The following ULK4 variants were observed in gnomAD, a reference collection of about 807,000 sequenced individuals.
The protein encoded by ULK4 is inactive serine/threonine-protein kinase ULK4.
ULK4 carries 133 observed loss-of-function variants against 160.6 expected under a neutral mutation model. That is an observed-to-expected ratio of 0.83 (90% CI 0.72 to 0.96). The LOEUF (loss-of-function observed/expected upper bound fraction) is 0.96, where lower values mean the gene tolerates loss of function less well. Ranked by LOEUF, ULK4 falls within the 40% of genes least tolerant of loss-of-function variation. ULK4 has a pLI of 0.00. For synonymous variants in ULK4, 534 were observed against 539.8 expected (o/e 0.99, Z 0.15); for missense variants, 1,580 against 1,499.5 (o/e 1.05, Z -0.89).
At chr3:41,648,042 C>T (rs1215377239) in intron 30 of ULK4, among the ~76,000 whole-genome samples, 3 of 152,194 alleles carry the variant, frequency 2.0e-5, no homozygotes, top group Non-Finnish European at 4.4e-5. Context: ...TTTTTAAGCC[C>T]GTCGGAAAAG....
intron 35 of ULK4, among the ~76,000 whole-genome samples, chr3:41,327,771 T>C (rs571826796): frequency 6.6e-6 from 1 of 152,066 alleles, no homozygotes; most frequent in Non-Finnish European, 1.5e-5. Context: ...CAAACTATAA[T>C]AGCATCAAGG....
intron 31 of ULK4, among the ~76,000 whole-genome samples, chr3:41,573,449 TG>T (rs567214321): frequency 6.4e-4 from 97 of 152,220 alleles, no homozygotes; most frequent in Non-Finnish European, 1.2e-3. Flanking sequence ...ATTAAAAGTT[TG>T]GTAAGGATCT....
chr3:41,248,965 C>G (rs2078695108), intron 36 of ULK4, among the ~76,000 whole-genome samples: 1 of 152,206 alleles, frequency 6.6e-6, no homozygotes, highest in Non-Finnish European at 1.5e-5. Flanking sequence ...TTCCGGGTGT[C>G]AAATACGCAG....
rs569913226 is a variant in ULK4, at chr3:41,822,628, A to C, written c.1765-3122T>G. ...GAGACAGCATTTCGCCATGTTGGCCAGGCTCGTCTCAAACTCCTGAGCTCA... is the reference window on the plus strand; with the variant it reads ...GAGACAGCATTTCGCCATGTTGGCCCGGCTCGTCTCAAACTCCTGAGCTCA... On this transcript the variant is annotated intron_variant, in intron 18 of 36. Transcript: ENST00000301831. 6.0e-5 allele frequency among the ~76,000 whole-genome samples: 9 copies of C among 151,102 alleles called. No homozygotes were observed. In the East Asian group the frequency reaches 1.8e-3, roughly 30 times the overall value.
rs1333642311 is a variant in ULK4 at position 41,491,268 on chromosome 3, C to A, written c.3227-28015G>T. 6.6e-5 allele frequency among the ~76,000 whole-genome samples: 10 copies of A among 151,920 alleles called. No individual in the cohort carries two copies. The East Asian group carries it at 1.9e-3, about 29-fold the overall frequency. The stretch of plus-strand genomic sequence containing the variant: ...AAGTAATTGCCATAAAATAAATAGT[C>A]AACATGTTATTCAATCTATAAAAGC... On this transcript the variant is annotated intron_variant, in intron 32 of 36. Coordinates refer to ENST00000301831, the MANE Select transcript of ULK4 (RefSeq NM_017886.4).
At chr3:41,668,025 A>G (rs1279060917) in intron 29 of ULK4, among the ~76,000 whole-genome samples, 1 of 152,214 alleles carries the variant, frequency 6.6e-6, no homozygotes, top group Non-Finnish European at 1.5e-5. Flanking sequence ...CTGGATAATC[A>G]TGAGAAAATA....
intron 35 of ULK4, among the ~76,000 whole-genome samples, chr3:41,268,543 T>C (rs577891934): frequency 6.6e-6 from 1 of 152,228 alleles, no homozygotes; most frequent in Admixed American, 6.5e-5. Context: ...TGGTGGCTTA[T>C]GCCTGTAATC....
Position 41,835,869 on chromosome 3 carries a change from T to C in ULK4, c.1759A>G (p.Thr587Ala), listed in dbSNP as rs764288129. ...TLGELIYLVA[T>A]QEEKKKNPRE... ...AGTTAATCAGACAGTCTCACCTGGG[T>C]GGCTACAAGATAGATCAGCTCCCCA... Residue 587 changes from threonine (T) to alanine (A), a missense_variant, in exon 18 of 37, where the codon ACC becomes GCC. Physicochemically the swap from Thr to Ala is moderately conservative, Grantham distance 58 (BLOSUM62 0). Transcript: ENST00000301831. The C allele has an allele frequency of 1.2e-6, 2 of 1,603,504 alleles. No homozygotes were observed. Among genetic ancestry groups the C allele is most frequent in the South Asian group, 2.2e-5 (2 of 89,762 alleles).
intron 30 of ULK4, among the ~76,000 whole-genome samples, chr3:41,655,292 C>A (rs1390186458): frequency 6.7e-6 from 1 of 149,508 alleles, no homozygotes; most frequent in Non-Finnish European, 1.5e-5. Flanking sequence ...AAACCAAACA[C>A]CGCACGTTCT....
At position 41,643,437 on chromosome 3, in the gene ULK4, A is replaced by G. The variant is rs150440158; in HGVS notation, c.3071+20170T>C. 4.6e-5 allele frequency among the ~76,000 whole-genome samples: 7 copies of G among 152,342 alleles called. No individual in the cohort carries two copies. In the East Asian group the frequency reaches 1.2e-3, roughly 25 times the overall value. On this transcript the variant is annotated intron_variant, in intron 30 of 36. Coordinates refer to ENST00000301831, the MANE Select transcript of ULK4 (RefSeq NM_017886.4). ...CTAGCCAGTTTTCCCAGCACCATTT[A>G]TTAAATAGGAAATCCTTTCCCCATT...
At chr3:41,935,584 C>T (rs1699750534) in intron 4 of ULK4, among the ~76,000 whole-genome samples, 1 of 151,186 alleles carries the variant, frequency 6.6e-6, no homozygotes, top group Non-Finnish European at 1.5e-5. Context: ...TGGTCTCGAA[C>T]TCCTGACCTC....
chr3:41,895,932 T>C (rs1698135534), intron 15 of ULK4, among the ~76,000 whole-genome samples: 1 of 152,174 alleles, frequency 6.6e-6, no homozygotes, highest in African/African-American at 2.4e-5. Flanking sequence ...TCCGAACCAC[T>C]GTAATTCCTC....
At chr3:41,783,006 A>G (rs1312890498) in intron 21 of ULK4, among the ~76,000 whole-genome samples, 1 of 149,364 alleles carries the variant, frequency 6.7e-6, no homozygotes, top group Non-Finnish European at 1.5e-5. Context: ...AAGAACATAG[A>G]GTTGGGTTGG....
intron 29 of ULK4, among the ~76,000 whole-genome samples, chr3:41,675,085 CA>C (rs1485784592): frequency 1.3e-5 from 2 of 151,724 alleles, no homozygotes; most frequent in Non-Finnish European, 2.9e-5. Context: ...ACTAAAAATA[CA>C]AAAATTAGCT....
At position 41,431,547 on chromosome 3, in the gene ULK4, C is replaced by CCTTTTTTTTTTTTT. The variant is rs563543377; in HGVS notation, c.3492+23949_3492+23950insAAAAAAAAAAAAAG. 3.2e-3 allele frequency among the ~76,000 whole-genome samples: 302 copies of CCTTTTTTTTTTTTT among 95,828 alleles called. 15 individuals carry two copies. The highest frequency in any genetic ancestry group is 5.6e-3 in the Middle Eastern group (1 of 178). 62.9% of individuals were successfully genotyped at this position (95,828 alleles called of 152,430 possible). A position where few individuals can be genotyped will look rare whatever the true frequency, so the allele number is the denominator to read the frequency against. On this transcript the variant is annotated intron_variant, in intron 34 of 36. Transcript: ENST00000301831. ...CCTGTGAGGTGTTGTAATTCCCTCC[C>CCTTTTTTTTTTTTT]TTTTTTTTTTTTTTTGATGTGGAAA...
intron 32 of ULK4, among the ~76,000 whole-genome samples, chr3:41,495,437 T>G (rs13060367): frequency 1.3e-5 from 2 of 150,640 alleles, no homozygotes; most frequent in Non-Finnish European, 3.0e-5. Flanking sequence ...TCAAGATGGA[T>G]TAAAGACTTA....
intron 35 of ULK4, among the ~76,000 whole-genome samples, chr3:41,298,701 A>C (rs1297706162): frequency 1.3e-5 from 2 of 152,166 alleles, no homozygotes; most frequent in Non-Finnish European, 2.9e-5. Context: ...GGGGATCCTC[A>C]AGTCATAGAG....
chr3:41,664,253 C>A (rs1040885661), intron 29 of ULK4, among the ~76,000 whole-genome samples: 1 of 152,142 alleles, frequency 6.6e-6, no homozygotes, highest in African/African-American at 2.4e-5. Context: ...CAAGAACACC[C>A]TCACATTCAG....
At chr3:41,507,684 G>C (rs1306346180) in intron 32 of ULK4, among the ~76,000 whole-genome samples, 1 of 141,748 alleles carries the variant, frequency 7.1e-6, no homozygotes, top group African/African-American at 2.7e-5. Context: ...GTCAATTTTA[G>C]AAATATTGCA....
Sources: allele counts gnomAD v4.1 joint callset (sites outside exome capture counted in the v4.1 genomes callset), GRCh38; gene constraint gnomAD v4.1.1; transcripts MANE v1.5; gene names NCBI Gene and HGNC (gene_info 2026-07-23, HGNC 2026-07-21).